Variants in ALDH5A1 observed in about 807,000 individuals in gnomAD.
ALDH5A1 encodes aldehyde dehydrogenase 5 family member A1, also known as succinate-semialdehyde dehydrogenase, mitochondrial.
Under a neutral mutation model 54.7 loss-of-function variants are expected in ALDH5A1, and 33 were observed. The observed-to-expected ratio is 0.60, with a 90% confidence interval of 0.46 to 0.81. ALDH5A1 has a LOEUF of 0.81. ALDH5A1 is among the 30% of genes least tolerant of loss of function. The pLI is 0.00. For missense variants in ALDH5A1, 657 were observed against 711.0 expected (o/e 0.92, Z 0.86); for synonymous variants, 294 against 292.7 (o/e 1.00, Z -0.05).
chr6:24,495,051 T>C lies in ALDH5A1; in HGVS notation c.55T>C (p.Phe19Leu). The C allele has an allele frequency of 7.4e-7, 1 of 1,356,816 alleles. No homozygotes were observed. The highest frequency in any genetic ancestry group is 2.1e-5 in the South Asian group (1 of 47,530). 84.0% of individuals were successfully genotyped at this position (1,356,816 alleles called of 1,614,324 possible). A position where few individuals can be genotyped will look rare whatever the true frequency, so the allele number is the denominator to read the frequency against. ...TGGGGCCCGGCGCCTCGGGTCGACG[T>C]TTCCAGGCTGCCGCCTCCGCCCCCG... ...SCGARRLGSTFPGCRLRPRAG... is the reference protein window; with the variant it reads ...SCGARRLGSTLPGCRLRPRAG... Residue 19 changes from phenylalanine (F) to leucine (L), a missense_variant, in exon 1 of 10, where the codon TTT becomes CTT. Physicochemically the swap from Phe to Leu is conservative, Grantham distance 22. Around this residue, in one of 2 missense-constraint regions of ALDH5A1, gnomAD observed 232 missense variants for 194.6 expected, o/e 1.19. Transcript: ENST00000357578.
Position 24,515,321 on chromosome 6 carries a change from C to A in ALDH5A1, c.870+11C>A, listed in dbSNP as rs776992531. On this transcript the variant is annotated intron_variant, in intron 5 of 9. Coordinates refer to ENST00000357578, the MANE Select transcript of ALDH5A1 (RefSeq NM_001080.3). ...ACAACTACAGGAAAGGTATGTGACT[C>A]AAGTTTCAAAGAAAACAAATGTCTT... 6.2e-7 allele frequency: 1 copy of A among 1,613,446 alleles called. No individual in the cohort carries two copies. The highest frequency in any genetic ancestry group is 8.5e-7 in the Non-Finnish European group (1 of 1,179,570).
At chr6:24,523,021 G>C in intron 7 of ALDH5A1, 96 bp downstream of exon 7, 1 of 695,616 alleles carries the variant, frequency 1.4e-6, no homozygotes, top group African/African-American at 1.8e-5. Flanking sequence ...GGTGGGGATA[G>C]AGAGGGGTGG....
chr6:24,502,493 T>C, intron 1 of ALDH5A1, 30 bp from the exon 2 acceptor site: 1 of 1,513,994 alleles, frequency 6.6e-7, no homozygotes, highest in Non-Finnish European at 9.2e-7. Context: ...GGCATTTTAT[T>C]ACTTTTCTGC....
chr6:24,528,150 C>T lies in ALDH5A1; in HGVS notation c.1327C>T (p.Leu443=). 3 of 1,613,862 alleles carry T rather than the reference C, an allele frequency of 1.9e-6. No individual in the cohort carries two copies. The highest frequency in any genetic ancestry group is 2.5e-6 in the Non-Finnish European group (3 of 1,179,850). Residue 443 remains leucine (L), a synonymous_variant, in exon 8 of 10, where the codon CTG becomes TTG. Coordinates refer to ENST00000357578, the MANE Select transcript of ALDH5A1 (RefSeq NM_001080.3). ...CACTCATGAAGAGACTTTCGGGCCTCTGGCACCAGTTATCAAGTAAGATCC... is the reference window on the plus strand; with the variant it reads ...CACTCATGAAGAGACTTTCGGGCCTTTGGCACCAGTTATCAAGTAAGATCC... ...LCTHEETFGP[L]APVIKFDTEE...
At chr6:24,511,777 CT>C in intron 4 of ALDH5A1, 2 of 378,048 alleles carry the variant, frequency 5.3e-6, no homozygotes, top group Non-Finnish European at 4.6e-6. Flanking sequence ...CTTCGCCTTT[CT>C]TTGTTGCCTC....
intron 4 of ALDH5A1, among the ~76,000 whole-genome samples, chr6:24,513,128 C>T (rs562534129): frequency 1.2e-4 from 18 of 151,804 alleles, no homozygotes; most frequent in South Asian, 4.2e-4. Flanking sequence ...GTTGCTATCA[C>T]GGCTCACTGC....
At chr6:24,525,881 A>G (rs1178996496) in intron 7 of ALDH5A1, among the ~76,000 whole-genome samples, 3 of 152,074 alleles carry the variant, frequency 2.0e-5, no homozygotes, top group African/African-American at 2.4e-5. Flanking sequence ...GGTCATTCCC[A>G]CCATCCCTTC....
chr6:24,515,766 C>T (rs1303635506), intron 5 of ALDH5A1, among the ~76,000 whole-genome samples: 1 of 152,182 alleles, frequency 6.6e-6, no homozygotes, highest in African/African-American at 2.4e-5. Flanking sequence ...TGACCATCCT[C>T]TGGGGATATT....
At chr6:24,519,347 T>C (rs1015507867) in intron 5 of ALDH5A1, among the ~76,000 whole-genome samples, 1 of 152,074 alleles carries the variant, frequency 6.6e-6, no homozygotes, top group Non-Finnish European at 1.5e-5. Context: ...GACAGATCAC[T>C]TGAGGTCAGG....
Position 24,495,202 on chromosome 6 carries a change from G to C in ALDH5A1, c.206G>C (p.Trp69Ser). 6.6e-7 allele frequency: 1 copy of C among 1,506,722 alleles called. No individual in the cohort carries two copies. The highest frequency in any genetic ancestry group is 8.8e-7 in the Non-Finnish European group (1 of 1,135,584). 93.3% of individuals were successfully genotyped at this position (1,506,722 alleles called of 1,614,324 possible). Residue 69 changes from tryptophan (W) to serine (S), a missense_variant, in exon 1 of 10, where the codon TGG becomes TCG. This residue lies in a region of ALDH5A1 where 232 missense variants were observed against 194.6 expected (regional missense o/e 1.19). Transcript: ENST00000357578. ...LRTDSFVGGR[W>S]LPAAATFPVQ... ...ACCGACAGCTTCGTGGGCGGCCGCT[G>C]GCTCCCGGCCGCCGCCACCTTCCCC...
intron 1 of ALDH5A1, among the ~76,000 whole-genome samples, chr6:24,496,882 G>T (rs1404574708): frequency 6.6e-6 from 1 of 152,248 alleles, no homozygotes; most frequent in Non-Finnish European, 1.5e-5. Context: ...TGAGATACTG[G>T]GGGGTTAGGA....
chr6:24,502,831 T>C (rs575991138), intron 2 of ALDH5A1, among the ~76,000 whole-genome samples: 1 of 152,302 alleles, frequency 6.6e-6, no homozygotes, highest in South Asian at 2.1e-4. Context: ...CAAAAATAGA[T>C]TTTGTTTGCA....
intron 1 of ALDH5A1, among the ~76,000 whole-genome samples, chr6:24,495,750 C>T (rs953484940): frequency 2.0e-5 from 3 of 152,168 alleles, no homozygotes; most frequent in African/African-American, 7.2e-5. Context: ...TCCGCAGCTG[C>T]AGGGAGCCCA....
Position 24,536,445 on chromosome 6 carries a change from A to G in ALDH5A1, c.*2733A>G, listed in dbSNP as rs1407347798. On this transcript the variant is annotated 3_prime_UTR_variant, in exon 10 of 10. Coordinates refer to ENST00000357578, the MANE Select transcript of ALDH5A1 (RefSeq NM_001080.3). Reference sequence around the variant, plus strand: ...TGGGACTGCTTTCTTGGCAGAGTTGAATAGTTGGGACAGGGACAGTATAGC... The same window carrying G: ...TGGGACTGCTTTCTTGGCAGAGTTGGATAGTTGGGACAGGGACAGTATAGC... The G allele has an allele frequency of 6.6e-6, 1 of 152,210 alleles. No individual in the cohort carries two copies. The highest frequency in any genetic ancestry group is 1.9e-4 in the East Asian group (1 of 5,200). 9.4% of individuals were successfully genotyped at this position (152,210 alleles called of 1,614,324 possible).
At chr6:24,533,392 A>G (rs1759972673) in intron 9 of ALDH5A1, 115 bp from the exon 10 acceptor site, 1 of 1,065,180 alleles carries the variant, frequency 9.4e-7, no homozygotes, top group African/African-American at 1.6e-5. Context: ...GGGAGCAGGG[A>G]AGACTCCAGG....
At chr6:24,519,657 G>A (rs1759636340) in intron 5 of ALDH5A1, among the ~76,000 whole-genome samples, 1 of 151,980 alleles carries the variant, frequency 6.6e-6, no homozygotes, top group South Asian at 2.1e-4. Context: ...AAGATATAAA[G>A]GGTTATGAAA....
At chr6:24,512,866 T>C (rs1404056997) in intron 4 of ALDH5A1, among the ~76,000 whole-genome samples, 1 of 152,096 alleles carries the variant, frequency 6.6e-6, no homozygotes, top group Non-Finnish European at 1.5e-5. Context: ...TTTTTTGCAT[T>C]TTTAGTAGAG....
At chr6:24,522,490 T>TGG in intron 6 of ALDH5A1, 2 of 360,628 alleles carry the variant, frequency 5.5e-6, no homozygotes, top group Non-Finnish European at 1.1e-5. Context: ...TGTGTGTGTG[T>TGG]GTGTGTGTGT....
At chr6:24,501,481 G>A (rs146811826) in intron 1 of ALDH5A1, among the ~76,000 whole-genome samples, 26 of 152,296 alleles carry the variant, frequency 1.7e-4, no homozygotes, top group African/African-American at 5.8e-4. Context: ...ATAACTCAGA[G>A]CCAGTCTCGT....
Sources: allele counts gnomAD v4.1 joint callset (sites outside exome capture counted in the v4.1 genomes callset), GRCh38; gene constraint gnomAD v4.1.1; regional missense constraint gnomAD v4.1.1; transcripts MANE v1.5; gene names NCBI Gene and HGNC (gene_info 2026-07-23, HGNC 2026-07-21).